The following SLC7A1 variants were observed in gnomAD, a reference collection of about 807,000 sequenced individuals.
SLC7A1 encodes solute carrier family 7 member 1.
SLC7A1 carries 10 observed loss-of-function variants against 53.9 expected under a neutral mutation model. The ratio of observed to expected loss-of-function variants is 0.19; its 90% CI spans 0.11 to 0.31. SLC7A1 has a LOEUF of 0.31. Ranked by LOEUF, SLC7A1 falls within the 10% of genes least tolerant of loss-of-function variation. SLC7A1 has a pLI of 1.00. For missense variants in SLC7A1, 525 were observed against 827.2 expected (o/e 0.63, Z 4.48); for synonymous variants, 342 against 338.7 (o/e 1.01, Z -0.11).
At chr13:29,571,506 G>A (rs972796235) in intron 1 of SLC7A1, among the ~76,000 whole-genome samples, 3 of 150,502 alleles carry the variant, frequency 2.0e-5, no homozygotes, top group Non-Finnish European at 4.5e-5. Context: ...TTTCTAGATC[G>A]CAATGAAGTG....
intron 1 of SLC7A1, among the ~76,000 whole-genome samples, chr13:29,566,159 G>A (rs1448470717): frequency 2.6e-5 from 4 of 152,204 alleles, no homozygotes; most frequent in African/African-American, 9.6e-5. Flanking sequence ...GGTAATTTTT[G>A]TTCTGTGTAT....
intron 1 of SLC7A1, among the ~76,000 whole-genome samples, chr13:29,576,998 G>A (rs1871439633): frequency 1.3e-5 from 2 of 152,160 alleles, no homozygotes; most frequent in South Asian, 4.2e-4. Flanking sequence ...TCCATCACTG[G>A]TTGTCTTTTT....
At chr13:29,518,051 C>G (rs2490266) in intron 9 of SLC7A1, among the ~76,000 whole-genome samples, 142,482 of 152,250 alleles carry the variant, frequency 0.94, 67,060 homozygotes, top group Non-Finnish European at 0.99. Context: ...AGAGGAATAC[C>G]CTGAGAGGAT....
intron 1 of SLC7A1, among the ~76,000 whole-genome samples, chr13:29,577,398 G>A (rs1566275713): frequency 6.6e-6 from 1 of 152,230 alleles, no homozygotes. Context: ...GTACCTCGCT[G>A]GTGAGGGGGT....
Position 29,517,155 on chromosome 13 carries a change from G to A in SLC7A1, c.1666C>T (p.Leu556Phe). 2.5e-6 allele frequency: 4 copies of A among 1,608,318 alleles called. No individual in the cohort carries two copies. Among genetic ancestry groups the A allele is most frequent in the Non-Finnish European group, 3.4e-6 (4 of 1,177,384 alleles). Residue 556 changes from leucine (L) to phenylalanine (F), a missense_variant, in exon 11 of 13, where the codon CTC (leucine) becomes TTC (phenylalanine). Transcript: ENST00000380752. ...IWRQPESKTK[L>F]SFKVPFLPVL... ...GCCGAGCTGCTCACCTTAAATGAGA[G>A]CTTGGTCTTGCTCTCGGGCTGCCTC...
At chr13:29,570,212 C>T (rs934592003) in intron 1 of SLC7A1, among the ~76,000 whole-genome samples, 10 of 152,318 alleles carry the variant, frequency 6.6e-5, no homozygotes, top group African/African-American at 1.7e-4. Context: ...TCCTCTGCCC[C>T]GAACTCAGCA....
At chr13:29,549,166 G>T (rs868272718) in intron 2 of SLC7A1, among the ~76,000 whole-genome samples, 2 of 152,212 alleles carry the variant, frequency 1.3e-5, no homozygotes, top group Non-Finnish European at 2.9e-5. Context: ...CTATCAGAGA[G>T]GAGAATGCAA....
intron 4 of SLC7A1, 26 bp from the exon 5 acceptor site, chr13:29,530,738 T>G (rs1403311779): frequency 3.1e-6 from 5 of 1,604,832 alleles, no homozygotes; most frequent in Non-Finnish European, 4.3e-6. Context: ...GACACAAAAC[T>G]TTGTCTGAGT....
chr13:29,566,358 A>T (rs115539375), intron 1 of SLC7A1, among the ~76,000 whole-genome samples: 3,885 of 152,326 alleles, frequency 0.026, 166 homozygotes, highest in African/African-American at 0.088. Flanking sequence ...AATAGGCAAA[A>T]AGCAGAAACA....
intron 12 of SLC7A1, among the ~76,000 whole-genome samples, chr13:29,514,803 C>T (rs998617535): frequency 6.6e-6 from 1 of 152,264 alleles, no homozygotes; most frequent in African/African-American, 2.4e-5. Flanking sequence ...CCCTACGTTC[C>T]TCTGGACGGC....
rs1457019620 is a variant in SLC7A1 at position 29,514,446 on chromosome 13, G to A, written c.*34C>T. ...CCGGTCCTCTGGGGGCGTCCCTCGG[G>A]GCTGCTGCCACCTCCGGGGGGCGGG... On this transcript the variant is annotated 3_prime_UTR_variant, in exon 13 of 13. Coordinates refer to ENST00000380752, the MANE Select transcript of SLC7A1 (RefSeq NM_003045.5). The A allele has an allele frequency of 6.5e-7, 1 of 1,547,966 alleles. No homozygotes were observed. Among genetic ancestry groups the A allele is most frequent in the African/African-American group, 1.4e-5 (1 of 73,876 alleles).
chr13:29,516,272 T>A, intron 11 of SLC7A1, 26 bp from the exon 12 acceptor site: 1 of 1,454,858 alleles, frequency 6.9e-7, no homozygotes, highest in Non-Finnish European at 9.6e-7. Flanking sequence ...GTGGCTTCAA[T>A]CCATGGCAGT....
At chr13:29,546,740 T>C (rs1408716034) in intron 2 of SLC7A1, among the ~76,000 whole-genome samples, 1 of 152,060 alleles carries the variant, frequency 6.6e-6, no homozygotes, top group Non-Finnish European at 1.5e-5. Context: ...TTGGAACTCC[T>C]AGAAAATTCA....
chr13:29,531,717 G>A (rs928297548), intron 4 of SLC7A1, among the ~76,000 whole-genome samples: 2 of 152,004 alleles, frequency 1.3e-5, no homozygotes, highest in Non-Finnish European at 1.5e-5. Context: ...GTCTGTAATC[G>A]CAGCTACTGG....
chr13:29,527,342 C>T (rs1868944091), intron 5 of SLC7A1, among the ~76,000 whole-genome samples: 1 of 152,130 alleles, frequency 6.6e-6, no homozygotes. Flanking sequence ...TAGTATTTTA[C>T]CAACTCAAAA....
rs1044586671 is a variant in SLC7A1, at chr13:29,512,244, T to A, written c.*2236A>T. 1 of 152,240 alleles carries A rather than the reference T, an allele frequency of 6.6e-6. No homozygotes were observed. Among genetic ancestry groups the A allele is most frequent in the African/African-American group, 2.4e-5 (1 of 41,454 alleles). 9.4% of individuals were successfully genotyped at this position (152,240 alleles called of 1,614,324 possible). A position where few individuals can be genotyped will look rare whatever the true frequency, so the allele number is the denominator to read the frequency against. On this transcript the variant is annotated 3_prime_UTR_variant, in exon 13 of 13. Coordinates refer to ENST00000380752, the MANE Select transcript of SLC7A1 (RefSeq NM_003045.5). The stretch of plus-strand genomic sequence containing the variant: ...GCATGGGTCCCATCCCTGCCCAGCC[T>A]AGGCGTGCTTCTGTGTCCAGCTTTA...
chr13:29,524,240 C>T lies in SLC7A1; in HGVS notation c.718G>A (p.Gly240Arg), dbSNP rs767470259. 2.5e-6 allele frequency: 4 copies of T among 1,614,060 alleles called. No individual in the cohort carries two copies. In the Admixed American group the frequency reaches 5.0e-5, roughly 20 times the overall value. ...ATGAATCCACCAACACCGGGCTTCC[C>T]TTCTTTTGTGTCACTAGAAAAAAGA... Reference protein sequence around the residue: ...RLCLNNDTKEGKPGVGGFMPF... With the variant: ...RLCLNNDTKERKPGVGGFMPF... Residue 240 changes from glycine to arginine, a missense_variant, in exon 6 of 13, where the codon GGG becomes AGG. This residue lies in a region of SLC7A1 where 354 missense variants were observed against 587.5 expected (regional missense o/e 0.60). Coordinates refer to ENST00000380752, the MANE Select transcript of SLC7A1 (RefSeq NM_003045.5).
At position 29,528,834 on chromosome 13, in the gene SLC7A1, T is replaced by TG. The variant is rs1869017618; in HGVS notation, c.704+1703dup. ...TTGGGGCAACAAATGCTGCTTTGTCTGGGGGCCGGTACAGCTAGCTCATCA... is the reference window on the plus strand; with the variant it reads ...TTGGGGCAACAAATGCTGCTTTGTCTGGGGGGCCGGTACAGCTAGCTCATCA... On this transcript the variant is annotated intron_variant, in intron 5 of 12. Coordinates refer to ENST00000380752, the MANE Select transcript of SLC7A1 (RefSeq NM_003045.5). Among the ~76,000 whole-genome samples the TG allele has an allele frequency of 2.0e-5, 3 of 152,098 alleles. No homozygotes were observed. In the South Asian group the frequency reaches 6.2e-4, roughly 32 times the overall value.
At chr13:29,575,575 C>G (rs1298419013) in intron 1 of SLC7A1, among the ~76,000 whole-genome samples, 2 of 152,222 alleles carry the variant, frequency 1.3e-5, no homozygotes, top group South Asian at 4.1e-4. Flanking sequence ...GTATTACTTG[C>G]CATAAAACAA....
Sources: gnomAD v4.1 joint callset for allele counts (sites outside exome capture counted in the v4.1 genomes callset) on GRCh38, gnomAD v4.1.1 for gene constraint, gnomAD v4.1.1 regional missense constraint, MANE v1.5 for transcripts, NCBI Gene and HGNC (gene_info 2026-07-23, HGNC 2026-07-21) for gene names.